CFAP54: variants seen among roughly 807,000 people sequenced by gnomAD.
CFAP54 encodes the protein cilia and flagella associated protein 54.
In CFAP54, 290 loss-of-function variants were observed where a neutral mutation model predicts 370.4. The observed-to-expected ratio is 0.78, with a 90% CI of 0.71 to 0.86. The LOEUF (loss-of-function observed/expected upper bound fraction) is 0.86, where lower values mean the gene tolerates loss of function less well. Ranked by LOEUF, CFAP54 falls within the 40% of genes least tolerant of loss-of-function variation. The probability of loss-of-function intolerance (pLI) is 0.00; values close to 1 mark genes in which losing one functional copy is unlikely to be tolerated. For missense variants in CFAP54, 3,399 were observed against 3,528.7 expected (o/e 0.96, Z 0.93); for synonymous variants, 1,206 against 1,236.5 (o/e 0.98, Z 0.52).
chr12:96,564,265 G>A (rs191527084), intron 17 of CFAP54, among the ~76,000 whole-genome samples: 149 of 152,258 alleles, frequency 9.8e-4, no homozygotes, highest in African/African-American at 3.2e-3. Context: ...AATTTCTTCT[G>A]TCCTGAGGTA....
chr12:96,578,666 C>T (rs1029919862), intron 20 of CFAP54, among the ~76,000 whole-genome samples: 6 of 152,072 alleles, frequency 3.9e-5, no homozygotes, highest in African/African-American at 7.2e-5. Flanking sequence ...ATGTGTATTA[C>T]GTTCATTTAG....
chr12:96,602,488 T>G, intron 26 of CFAP54, among the ~76,000 whole-genome samples: 1 of 152,186 alleles, frequency 6.6e-6, no homozygotes, highest in South Asian at 2.1e-4. Context: ...GTTCCAGAGA[T>G]GAGTTCAAGT....
At chr12:96,674,267 C>G (rs1957178612) in intron 39 of CFAP54, among the ~76,000 whole-genome samples, 2 of 151,110 alleles carry the variant, frequency 1.3e-5, no homozygotes, top group Non-Finnish European at 2.9e-5. Context: ...TGGTGGACCC[C>G]TTTCTCAGGA....
chr12:96,651,636 C>T lies in CFAP54; in HGVS notation c.4921C>T (p.Arg1641Trp), dbSNP rs199535438. The change falls in exon 36 of 68, where the codon CGG (arginine) becomes TGG (tryptophan). Residue 1641 changes from arginine to tryptophan, a missense_variant. Physicochemically the swap from Arg to Trp is moderately radical, Grantham distance 101 (BLOSUM62 -3). Coordinates refer to ENST00000524981, the MANE Select transcript of CFAP54 (RefSeq NM_001306084.2). ...TTGGACTCTGCTTCAGAACTGCTGT[C>T]GGGCCTTATGGAACTTTACTCAGGA... ...GYWTLLQNCC[R>W]ALWNFTQELQ... is the part of the protein sequence containing the mutation. The T allele has an allele frequency of 1.7e-5, 28 of 1,613,956 alleles. No individual in the cohort carries two copies. The highest frequency in any genetic ancestry group is 5.0e-5 in the Admixed American group (3 of 59,988).
chr12:96,721,253 A>C (rs1306817956), intron 50 of CFAP54, among the ~76,000 whole-genome samples: 1 of 152,224 alleles, frequency 6.6e-6, no homozygotes, highest in African/African-American at 2.4e-5. Context: ...TTGAAAAAGT[A>C]AGTTTCTGCA....
chr12:96,694,716 A>G (rs941283326), intron 45 of CFAP54, among the ~76,000 whole-genome samples: 5 of 151,620 alleles, frequency 3.3e-5, no homozygotes, highest in Non-Finnish European at 7.4e-5. Flanking sequence ...AAATGTCACA[A>G]TTGGCTCTGA....
intron 3 of CFAP54, among the ~76,000 whole-genome samples, chr12:96,505,639 A>T (rs1422500540): frequency 1.3e-5 from 2 of 150,968 alleles, no homozygotes; most frequent in African/African-American, 4.9e-5. Context: ...AGTAGCTGGG[A>T]TTACAGGTGC....
intron 48 of CFAP54, among the ~76,000 whole-genome samples, chr12:96,709,078 A>T (rs1197746321): frequency 6.6e-6 from 1 of 152,232 alleles, no homozygotes; most frequent in Non-Finnish European, 1.5e-5. Flanking sequence ...ACAAAATGGT[A>T]TATTCACACT....
chr12:96,571,871 C>T (rs1385568498), intron 19 of CFAP54, among the ~76,000 whole-genome samples: 1 of 152,144 alleles, frequency 6.6e-6, no homozygotes, highest in East Asian at 1.9e-4. Flanking sequence ...TTTTAACTAG[C>T]CTTAGGGTTT....
intron 34 of CFAP54, among the ~76,000 whole-genome samples, chr12:96,649,493 C>T (rs1400868810): frequency 6.6e-6 from 1 of 152,192 alleles, no homozygotes; most frequent in Admixed American, 6.5e-5. Context: ...GAGGTTGCTG[C>T]ATTGCCTAAC....
chr12:96,724,579 T>A (rs1470734031), intron 50 of CFAP54, among the ~76,000 whole-genome samples: 7 of 152,104 alleles, frequency 4.6e-5, no homozygotes, highest in African/African-American at 1.7e-4. Flanking sequence ...ATATTAGCCC[T>A]TTGTCAGATG....
intron 56 of CFAP54, among the ~76,000 whole-genome samples, chr12:96,754,268 G>T (rs186768641): frequency 5.6e-4 from 85 of 152,042 alleles, no homozygotes; most frequent in Non-Finnish European, 3.7e-4. Flanking sequence ...TAAACATTTT[G>T]GTTAATTTTT....
At chr12:96,799,733 A>C (rs755988277) in intron 63 of CFAP54, among the ~76,000 whole-genome samples, 2 of 152,218 alleles carry the variant, frequency 1.3e-5, no homozygotes, top group Non-Finnish European at 2.9e-5. Flanking sequence ...ATATACATTT[A>C]AAAATAATGA....
At chr12:96,743,020 T>C (rs1958069616) in intron 52 of CFAP54, among the ~76,000 whole-genome samples, 1 of 152,198 alleles carries the variant, frequency 6.6e-6, no homozygotes, top group Non-Finnish European at 1.5e-5. Flanking sequence ...ACCTACTTTA[T>C]AGGATTATTG....
At chr12:96,789,798 G>T (rs1158889713) in intron 62 of CFAP54, among the ~76,000 whole-genome samples, 1 of 152,082 alleles carries the variant, frequency 6.6e-6, no homozygotes, top group Non-Finnish European at 1.5e-5. Context: ...AATCAGCTCT[G>T]GAGATCATTG....
chr12:96,774,485 C>T (rs1414432782), intron 60 of CFAP54, among the ~76,000 whole-genome samples: 6 of 152,084 alleles, frequency 3.9e-5, no homozygotes, highest in Non-Finnish European at 5.9e-5. Flanking sequence ...CTTTTCTTTC[C>T]GTTCTAATTG....
intron 67 of CFAP54, among the ~76,000 whole-genome samples, chr12:96,863,036 A>G (rs1190078021): frequency 6.6e-6 from 1 of 152,114 alleles, no homozygotes; most frequent in Non-Finnish European, 1.5e-5. Flanking sequence ...GGTTTTTGTC[A>G]CTAGTAAGTT....
rs1955017633 is a variant in CFAP54 at position 96,500,840 on chromosome 12, T to C, written c.324T>C (p.Thr108=). The change falls in exon 2 of 68, where the codon ACT becomes ACC. Residue 108 remains threonine (T), a synonymous_variant. Transcript: ENST00000524981. ...EKHEFRRRCA[T]SLFNIWTKYA... is the part of the protein sequence containing the mutation. ...TATTTTATGATTTTTACAGTGCCAC[T>C]TCTTTGTTTAATATCTGGACTAAAT... is the stretch of plus-strand genomic sequence containing the variant. 1.3e-6 allele frequency: 2 copies of C among 1,520,344 alleles called. No homozygotes were observed. The highest frequency in any genetic ancestry group is 1.2e-5 in the South Asian group (1 of 81,914). The allele number at this position is 1,520,344 out of a possible 1,614,324, so 94.2% of individuals were successfully genotyped here.
Position 96,757,439 on chromosome 12 carries a change from A to G in CFAP54, c.7947-56A>G, listed in dbSNP as rs1958273741. 6.0e-6 allele frequency: 6 copies of G among 993,128 alleles called. No individual in the cohort carries two copies. In the South Asian group the frequency reaches 9.0e-5, roughly 15 times the overall value. The allele number at this position is 993,128 out of a possible 1,614,324, so 61.5% of individuals were successfully genotyped here. A position where few individuals can be genotyped will look rare whatever the true frequency, so the allele number is the denominator to read the frequency against. ...AGCTCAGAAATTGTTGGCAAATGAT[A>G]CCAATGATTATGCATGGTGAAGCTA... On this transcript the variant is annotated intron_variant, in intron 57 of 67. Coordinates refer to ENST00000524981, the MANE Select transcript of CFAP54 (RefSeq NM_001306084.2).
Sources: gnomAD v4.1 joint callset for allele counts (sites outside exome capture counted in the v4.1 genomes callset) on GRCh38, gnomAD v4.1.1 for gene constraint, MANE v1.5 for transcripts, NCBI Gene and HGNC (gene_info 2026-07-23, HGNC 2026-07-21) for gene names.